BCAT1: variants seen among roughly 807,000 people sequenced by gnomAD.
BCAT1 encodes the protein branched chain amino acid transaminase 1.
A neutral mutation model predicts 52.4 loss-of-function variants in BCAT1; 48 were observed. The ratio of observed to expected loss-of-function variants is 0.92; its 90% CI spans 0.73 to 1.16. BCAT1 has a LOEUF of 1.16. Ranked by LOEUF, BCAT1 falls within the 50% of genes most tolerant of loss-of-function variation. The pLI is 0.00. For missense variants in BCAT1, 451 were observed against 457.1 expected (o/e 0.99, Z 0.12); for synonymous variants, 167 against 161.3 (o/e 1.04, Z -0.27).
intron 5 of BCAT1, among the ~76,000 whole-genome samples, chr12:24,864,980 C>T (rs1283245752): frequency 6.6e-6 from 1 of 152,194 alleles, no homozygotes; most frequent in Non-Finnish European, 1.5e-5. Flanking sequence ...GTTTTTCTTT[C>T]TACCTTGCAG....
intron 10 of BCAT1, among the ~76,000 whole-genome samples, chr12:24,825,840 G>C (rs11047660): frequency 0.11 from 17,359 of 152,084 alleles, 1,114 homozygotes; most frequent in Non-Finnish European, 0.13. Context: ...CTTTGCTGTG[G>C]AGAAGCTTTC....
chr12:24,834,978 T>C (rs947747530), intron 8 of BCAT1, among the ~76,000 whole-genome samples: 2 of 152,244 alleles, frequency 1.3e-5, no homozygotes, highest in Admixed American at 1.3e-4. Context: ...TAAAATAAAT[T>C]ACAGCTATGA....
intron 5 of BCAT1, among the ~76,000 whole-genome samples, chr12:24,871,992 A>G (rs1426495800): frequency 6.6e-6 from 1 of 152,240 alleles, no homozygotes; most frequent in Non-Finnish European, 1.5e-5. Context: ...AGGACTATGA[A>G]AAAGAACACA....
At chr12:24,835,667 G>A (rs899140176) in intron 8 of BCAT1, among the ~76,000 whole-genome samples, 2 of 151,778 alleles carry the variant, frequency 1.3e-5, no homozygotes, top group East Asian at 1.9e-4. Context: ...AGCTCACTGC[G>A]ACCTTGACCT....
intron 8 of BCAT1, among the ~76,000 whole-genome samples, chr12:24,833,281 G>A (rs1055863392): frequency 3.3e-5 from 5 of 152,202 alleles, no homozygotes; most frequent in Non-Finnish European, 7.3e-5. Context: ...CATTTGGGGA[G>A]GCTGAGGCAG....
chr12:24,907,043 C>T (rs1215204988), intron 1 of BCAT1, among the ~76,000 whole-genome samples: 1 of 152,254 alleles, frequency 6.6e-6, no homozygotes, highest in African/African-American at 2.4e-5. Flanking sequence ...AAGCTCCCAG[C>T]CCATCCCAGA....
chr12:24,920,216 A>G (rs1157878858), intron 1 of BCAT1, among the ~76,000 whole-genome samples: 1 of 152,172 alleles, frequency 6.6e-6, no homozygotes. Flanking sequence ...TGTTAAGTTG[A>G]AGATTCATAT....
intron 3 of BCAT1, among the ~76,000 whole-genome samples, chr12:24,890,605 A>T (rs1397885044): frequency 6.6e-6 from 1 of 152,110 alleles, no homozygotes; most frequent in Non-Finnish European, 1.5e-5. Flanking sequence ...GTGTCACGAC[A>T]ATTTACAGAG....
intron 3 of BCAT1, among the ~76,000 whole-genome samples, chr12:24,891,019 T>A (rs1456286951): frequency 1.3e-5 from 2 of 152,200 alleles, no homozygotes; most frequent in African/African-American, 4.8e-5. Context: ...AGAAGTCTCC[T>A]ATGTTGACTA....
intron 1 of BCAT1, among the ~76,000 whole-genome samples, chr12:24,931,852 G>A (rs1456761903): frequency 6.6e-6 from 1 of 152,202 alleles, no homozygotes; most frequent in Non-Finnish European, 1.5e-5. Context: ...AACCGGGGAT[G>A]TAACACAGAG....
chr12:24,857,894 G>A (rs1484039146), intron 5 of BCAT1, among the ~76,000 whole-genome samples: 4 of 152,134 alleles, frequency 2.6e-5, no homozygotes, highest in African/African-American at 4.8e-5. Context: ...GCAGTTATAG[G>A]GGAATACCCC....
chr12:24,887,080 AATATAT>A (rs71063368), intron 3 of BCAT1, among the ~76,000 whole-genome samples: 12 of 40,736 alleles, frequency 2.9e-4, no homozygotes, highest in Middle Eastern at 0.019. Flanking sequence ...AAAAAAAAAA[AATATAT>A]ATATATATAT....
intron 10 of BCAT1, among the ~76,000 whole-genome samples, chr12:24,820,274 G>A (rs192091600): frequency 2.6e-5 from 4 of 152,112 alleles, no homozygotes; most frequent in African/African-American, 9.7e-5. Flanking sequence ...AGCATTCTGA[G>A]AAGTGCCCAA....
chr12:24,832,101 A>G (rs746945825), intron 9 of BCAT1, among the ~76,000 whole-genome samples: 3 of 152,226 alleles, frequency 2.0e-5, no homozygotes, highest in Admixed American at 6.5e-5. Flanking sequence ...ACTATTTGCC[A>G]TTCCTAATCC....
intron 2 of BCAT1, among the ~76,000 whole-genome samples, chr12:24,900,930 C>CA (rs1943087157): frequency 2.6e-5 from 4 of 151,986 alleles, no homozygotes; most frequent in Non-Finnish European, 4.4e-5. Flanking sequence ...GACCCTGTCT[C>CA]AAAAAACAGA....
chr12:24,839,722 G>A (rs113412310), intron 7 of BCAT1, among the ~76,000 whole-genome samples: 2 of 152,096 alleles, frequency 1.3e-5, no homozygotes, highest in African/African-American at 2.4e-5. Context: ...GTGTGTGGGC[G>A]CTCATGAAAA....
intron 9 of BCAT1, chr12:24,830,519 C>T (rs886682648): frequency 6.6e-6 from 1 of 152,186 alleles, no homozygotes; most frequent in Non-Finnish European, 1.5e-5. Flanking sequence ...CCTACTCATG[C>T]CTTGCTGGCT....
intron 5 of BCAT1, among the ~76,000 whole-genome samples, chr12:24,866,675 T>C (rs1001704765): frequency 6.6e-6 from 1 of 152,204 alleles, no homozygotes; most frequent in Admixed American, 6.5e-5. Context: ...CAGCACTCTG[T>C]GTCTAGCTCA....
At chr12:24,866,256 AG>A (rs1942003760) in intron 5 of BCAT1, among the ~76,000 whole-genome samples, 1 of 152,226 alleles carries the variant, frequency 6.6e-6, no homozygotes, top group Admixed American at 6.5e-5. Flanking sequence ...GTCCCCCAGC[AG>A]TGCTGGCCCA....
Sources: gnomAD v4.1 joint callset for allele counts (sites outside exome capture counted in the v4.1 genomes callset) on GRCh38, gnomAD v4.1.1 for gene constraint, MANE v1.5 for transcripts, NCBI Gene and HGNC (gene_info 2026-07-23, HGNC 2026-07-21) for gene names.